Variants in BIN3 observed in about 807,000 individuals in gnomAD.
BIN3 encodes the protein bridging integrator 3.
Under a neutral mutation model 38.2 loss-of-function variants are expected in BIN3, and 41 were observed. The ratio of observed to expected loss-of-function variants is 1.07; its 90% confidence interval spans 0.84 to 1.39. The LOEUF is 1.39. Ranked by LOEUF, BIN3 falls within the 40% of genes most tolerant of loss-of-function variation. The pLI, the probability that BIN3 is intolerant of heterozygous loss-of-function variation, is 0.00. For synonymous variants in BIN3, 145 were observed against 122.6 expected, an observed-to-expected ratio of 1.18 and a Z score of -1.21; for missense variants, 361 against 324.3, an observed-to-expected ratio of 1.11 and a Z score of -0.87.
chr8:22,639,816 T>C (rs1055414857), intron 2 of BIN3, among the ~76,000 whole-genome samples: 3 of 151,838 alleles, frequency 2.0e-5, no homozygotes, highest in Non-Finnish European at 2.9e-5. Flanking sequence ...TGGAGTCCCA[T>C]GCTTGGGTGT....
intron 4 of BIN3, 114 bp downstream of exon 4, chr8:22,636,410 TG>T: frequency 1.8e-6 from 2 of 1,092,724 alleles, no homozygotes; most frequent in Non-Finnish European, 2.7e-6. Context: ...CTCAGGACAC[TG>T]GGTACACGTC....
chr8:22,636,429 C>T lies in BIN3; in HGVS notation c.160+96G>A, dbSNP rs769911047. On this transcript the variant is annotated intron_variant, in intron 4 of 8. Transcript: ENST00000276416. ...GGACACTGGGTACACGTCCTCTGAG[C>T]GCAGCAACTTCAGAGCCCTTGGGGG... 3.6e-5 allele frequency: 47 copies of T among 1,291,986 alleles called. No homozygotes were observed. In the Admixed American group the frequency reaches 5.2e-4, roughly 14 times the overall value. The allele number at this position is 1,291,986 out of a possible 1,614,324, so 80.0% of individuals were successfully genotyped here.
chr8:22,621,693 C>T, intron 8 of BIN3, 125 bp from the exon 9 acceptor site: 2 of 1,053,394 alleles, frequency 1.9e-6, no homozygotes, highest in Non-Finnish European at 2.8e-6. Flanking sequence ...AGCAGCGTGC[C>T]TTTGGGGATA....
In BIN3 at chr8:22,652,460, C is replaced by T. The variant is rs189896274; in HGVS notation, c.9-7657G>A. On this transcript the variant is annotated intron_variant, in intron 1 of 8. Transcript: ENST00000276416. Reference sequence around the variant, plus strand: ...CCAACCTTCTGCCATTCTGGGAACTCGGCAATGGAAGAGCCTGCGTGTGCA... The same window carrying T: ...CCAACCTTCTGCCATTCTGGGAACTTGGCAATGGAAGAGCCTGCGTGTGCA... Among the ~76,000 whole-genome samples the T allele has an allele frequency of 5.9e-5, 9 of 152,284 alleles. No homozygotes were observed. In the Middle Eastern group the frequency reaches 0.014, roughly 230 times the overall value.
At chr8:22,628,941 G>T (rs1298219756) in intron 6 of BIN3, among the ~76,000 whole-genome samples, 1 of 152,190 alleles carries the variant, frequency 6.6e-6, no homozygotes, top group Admixed American at 6.5e-5. Flanking sequence ...GGGGGTGGTG[G>T]ATGCCCACTC....
At chr8:22,656,138 T>C (rs1389501109) in intron 1 of BIN3, among the ~76,000 whole-genome samples, 1 of 152,146 alleles carries the variant, frequency 6.6e-6, no homozygotes, top group Non-Finnish European at 1.5e-5. Context: ...AGATTAACTT[T>C]TGAAGATCCT....
chr8:22,668,303 A>G (rs1295282189), intron 1 of BIN3, among the ~76,000 whole-genome samples: 3 of 152,236 alleles, frequency 2.0e-5, no homozygotes, highest in Non-Finnish European at 4.4e-5. Flanking sequence ...TAAATACACC[A>G]TTATGAAGTG....
At chr8:22,640,772 C>G (rs999695845) in intron 2 of BIN3, among the ~76,000 whole-genome samples, 2 of 152,006 alleles carry the variant, frequency 1.3e-5, no homozygotes, top group African/African-American at 4.8e-5. Context: ...TGGCTGGGGA[C>G]TGCTTGGACT....
chr8:22,637,110 G>C (rs1802392959), intron 2 of BIN3, 148 bp from the exon 3 acceptor site: 2 of 712,802 alleles, frequency 2.8e-6, no homozygotes, highest in East Asian at 5.4e-5. Flanking sequence ...GATCGCTCCT[G>C]ACACGGTATT....
intron 6 of BIN3, chr8:22,625,814 C>T (rs1801986592): frequency 6.3e-6 from 1 of 157,592 alleles, no homozygotes; most frequent in Non-Finnish European, 1.4e-5. Context: ...TCTTGAACTC[C>T]TGACCTTGAG....
chr8:22,628,089 C>T (rs1476191891), intron 6 of BIN3, among the ~76,000 whole-genome samples: 1 of 152,178 alleles, frequency 6.6e-6, no homozygotes, highest in Non-Finnish European at 1.5e-5. Context: ...GCGAGGCCGG[C>T]TGGGAGGTGG....
At chr8:22,642,840 T>C (rs539672812) in intron 2 of BIN3, among the ~76,000 whole-genome samples, 4 of 152,316 alleles carry the variant, frequency 2.6e-5, no homozygotes, top group Non-Finnish European at 4.4e-5. Context: ...ACCCCCAGTC[T>C]ATCAGAGAGC....
intron 6 of BIN3, among the ~76,000 whole-genome samples, chr8:22,629,253 G>C (rs943935075): frequency 1.3e-5 from 2 of 152,228 alleles, no homozygotes; most frequent in African/African-American, 4.8e-5. Context: ...CACCGCAGAA[G>C]AGGCAAGGAA....
At chr8:22,622,928 G>A (rs940668503) in intron 8 of BIN3, among the ~76,000 whole-genome samples, 3 of 152,236 alleles carry the variant, frequency 2.0e-5, no homozygotes, top group African/African-American at 7.2e-5. Flanking sequence ...GCCCCGGCAT[G>A]AACCCTGCTC....
chr8:22,637,053 C>G, intron 2 of BIN3, 91 bp from the exon 3 acceptor site: 1 of 1,162,660 alleles, frequency 8.6e-7, no homozygotes, highest in Middle Eastern at 1.9e-4. Context: ...CACACCCTGC[C>G]CCAGTCCGCA....
intron 6 of BIN3, among the ~76,000 whole-genome samples, chr8:22,628,811 A>G (rs1240135069): frequency 1.3e-5 from 2 of 152,096 alleles, no homozygotes; most frequent in African/African-American, 2.4e-5. Context: ...GTCCTTCCCA[A>G]CCAGCCCTGA....
At chr8:22,632,354 C>T (rs1002098506) in intron 4 of BIN3, among the ~76,000 whole-genome samples, 15 of 152,168 alleles carry the variant, frequency 9.9e-5, no homozygotes, top group South Asian at 2.1e-4. Flanking sequence ...CTAGCCAGCC[C>T]GGAGCACCCT....
At chr8:22,634,047 T>C (rs1260190955) in intron 4 of BIN3, among the ~76,000 whole-genome samples, 1 of 152,214 alleles carries the variant, frequency 6.6e-6, no homozygotes, top group Non-Finnish European at 1.5e-5. Flanking sequence ...CTTGGTTCCG[T>C]AGCAAGCCAC....
Position 22,630,459 on chromosome 8 carries a change from C to T in BIN3, c.280G>A (p.Ala94Thr). The T allele has an allele frequency of 1.9e-6, 3 of 1,614,036 alleles. No homozygotes were observed. The highest frequency in any genetic ancestry group is 1.7e-6 in the Non-Finnish European group (2 of 1,179,876). ...ALDTAMKRMDAFNQEKVNQIQ... is the reference protein window; with the variant it reads ...ALDTAMKRMDTFNQEKVNQIQ... ...CTAGTCACCTTTTCCTGATTGAAGG[C>T]ATCCATCCGCTTCATGGCCGTGTCC... The change falls in exon 5 of 9, where the codon GCC becomes ACC. Residue 94 changes from alanine (A) to threonine (T), a missense_variant. By Grantham distance (58) the Ala-to-Thr change is moderately conservative (BLOSUM62 0). Transcript: ENST00000276416.
Sources: allele counts gnomAD v4.1 joint callset (sites outside exome capture counted in the v4.1 genomes callset), GRCh38; gene constraint gnomAD v4.1.1; transcripts MANE v1.5; gene names NCBI Gene and HGNC (gene_info 2026-07-23, HGNC 2026-07-21).